The following GATA6 variants were observed in gnomAD, a reference collection of about 807,000 sequenced individuals.
GATA6 encodes the protein GATA binding protein 6, also known as transcription factor GATA-6.
GATA6 carries 11 observed loss-of-function variants against 48.1 expected under a neutral mutation model. The observed-to-expected ratio is 0.23, with a 90% confidence interval of 0.14 to 0.38. The LOEUF (loss-of-function observed/expected upper bound fraction) is 0.38, where lower values mean the gene tolerates loss of function less well. GATA6 is among the 10% of genes least tolerant of loss of function. The pLI, the probability that GATA6 is intolerant of heterozygous loss-of-function variation, is 1.00. For missense variants in GATA6, 795 were observed against 850.3 expected (o/e 0.93, Z 0.81); for synonymous variants, 419 against 396.1 (o/e 1.06, Z -0.69).
At position 22,172,057 on chromosome 18, in the gene GATA6, G is replaced by A. The variant is rs1483440852; in HGVS notation, c.913G>A (p.Gly305Ser). The A allele has an allele frequency of 1.1e-5, 14 of 1,276,958 alleles. No individual in the cohort carries two copies. The highest frequency in any genetic ancestry group is 2.5e-4 in the Middle Eastern group (1 of 3,992). The allele number at this position is 1,276,958 out of a possible 1,614,324, so 79.1% of individuals were successfully genotyped here. A position where few individuals can be genotyped will look rare whatever the true frequency, so the allele number is the denominator to read the frequency against. ...GGGSSLAAMG[G>S]REPQYSSLSA... ...CGGCAGTAGCCTGGCGGCCATGGGCGGCCGCGAGCCCCAGTACAGCTCGCT... is the reference window on the plus strand; with the variant it reads ...CGGCAGTAGCCTGGCGGCCATGGGCAGCCGCGAGCCCCAGTACAGCTCGCT... The change falls in exon 2 of 7, where the codon GGC becomes AGC. Residue 305 changes from glycine to serine, a missense_variant. Physicochemically the swap from Gly to Ser is moderately conservative, Grantham distance 56. Coordinates refer to ENST00000269216, the MANE Select transcript of GATA6 (RefSeq NM_005257.6). The surrounding 1 kb of genome is among the most constrained non-coding windows in gnomAD (Gnocchi z 5.2).
intron 2 of GATA6, chr18:22,176,675 A>T (rs1464481589): frequency 1.8e-5 from 7 of 382,260 alleles, no homozygotes; most frequent in Non-Finnish European, 2.9e-5. Context: ...CCCACCGCTC[A>T]TCTCGGACTC....
At position 22,182,841 on chromosome 18, in the gene GATA6, T is replaced by C. The variant is rs746906542; in HGVS notation, c.1513T>C (p.Ser505Pro). 48 of 1,612,058 alleles carry C rather than the reference T, an allele frequency of 3.0e-5. No individual in the cohort carries two copies. The highest frequency in any genetic ancestry group is 3.8e-5 in the Non-Finnish European group (45 of 1,178,220). ...GAACATAAATAAATCAAAGACTTGC[T>C]CTGGTAAATATACTAAAATGACGTT... ...PKNINKSKTC[S>P]GNSNNSIPMT... is the part of the protein sequence containing the mutation. The change falls in exon 5 of 7, where the codon TCT becomes CCT. Residue 505 changes from serine (S) to proline (P), a missense_variant. By Grantham distance (74) the Ser-to-Pro change is moderately conservative. This residue lies in a region of GATA6 where 24 missense variants were observed against 43.6 expected (regional missense o/e 0.55). Transcript: ENST00000269216.
chr18:22,174,484 T>C (rs2033096512), intron 2 of GATA6, among the ~76,000 whole-genome samples: 2 of 152,152 alleles, frequency 1.3e-5, no homozygotes, highest in African/African-American at 4.8e-5. Flanking sequence ...CACACCACAG[T>C]TAGAGGAATT....
intron 6 of GATA6, among the ~76,000 whole-genome samples, chr18:22,194,336 G>A (rs1440070568): frequency 1.3e-5 from 2 of 152,198 alleles, no homozygotes; most frequent in Admixed American, 6.5e-5. Context: ...CTGTGGGAGG[G>A]TGGAGGGCAG....
At chr18:22,195,549 A>T (rs1302639358) in intron 6 of GATA6, among the ~76,000 whole-genome samples, 1 of 152,210 alleles carries the variant, frequency 6.6e-6, no homozygotes, top group African/African-American at 2.4e-5. Flanking sequence ...TAGATTTACT[A>T]TGCAATTCAA....
intron 2 of GATA6, among the ~76,000 whole-genome samples, chr18:22,176,285 AAAT>A: frequency 6.6e-6 from 1 of 152,292 alleles, no homozygotes; most frequent in East Asian, 1.9e-4. Context: ...TGTGGCATGA[AAAT>A]AAAACTCTGT....
rs387906815 is a variant in GATA6, at chr18:22,171,677, C to T, written c.533C>T (p.Ala178Val). The change falls in exon 2 of 7, where the codon GCA (alanine) becomes GTA (valine). Residue 178 changes from alanine to valine, a missense_variant. By Grantham distance (64) the Ala-to-Val change is moderately conservative. Transcript: ENST00000269216. This position sits in a 1 kb window ranked among gnomAD's most constrained non-coding sequence, Gnocchi z 7.1. ...GTGCACTCTGCGGCCGCGGCGGCAG[C>T]AGCCGCGGCGGCGGCCAGCTCCCCG... ...GFVHSAAAAA[A>V]AAAAASSPVY... 1.4e-4 allele frequency: 210 copies of T among 1,499,588 alleles called. 2 individuals are homozygous for T. In the African/African-American group the frequency reaches 2.8e-3, roughly 20 times the overall value. The allele number at this position is 1,499,588 out of a possible 1,614,324, so 92.9% of individuals were successfully genotyped here. A position where few individuals can be genotyped will look rare whatever the true frequency, so the allele number is the denominator to read the frequency against.
rs1046194322 is a variant in GATA6, at chr18:22,172,744, C to G, written c.1135+465C>G. Among the ~76,000 whole-genome samples the G allele has an allele frequency of 5.3e-5, 8 of 152,182 alleles. No homozygotes were observed. Among genetic ancestry groups the G allele is most frequent in the African/African-American group, 1.9e-4 (8 of 41,450 alleles). Reference sequence around the variant, plus strand: ...CCCCAAACAGACACACAAGCACATGCAGGCTCACCCAGTTTAACTCTCCAA... The same window carrying G: ...CCCCAAACAGACACACAAGCACATGGAGGCTCACCCAGTTTAACTCTCCAA... On this transcript the variant is annotated intron_variant, in intron 2 of 6. Transcript: ENST00000269216. The surrounding 1 kb of genome is among the most constrained non-coding windows in gnomAD (Gnocchi z 5.2).
chr18:22,193,852 C>T (rs1410497889), intron 6 of GATA6, among the ~76,000 whole-genome samples: 1 of 152,164 alleles, frequency 6.6e-6, no homozygotes, highest in Non-Finnish European at 1.5e-5. Flanking sequence ...CCGAAGAACC[C>T]ATGTTTTTCT....
Position 22,185,978 on chromosome 18 carries a change from G to A in GATA6, c.1620+2935G>A, listed in dbSNP as rs1215477715. Among the ~76,000 whole-genome samples the A allele has an allele frequency of 1.3e-5, 2 of 152,202 alleles. No individual in the cohort carries two copies. The highest frequency in any genetic ancestry group is 1.5e-5 in the Non-Finnish European group (1 of 68,032). ...GTGTCATTTTCCCATTTTGGTCACA[G>A]TGCATAATGTTAGAGGGCAGCTGGC... On this transcript the variant is annotated intron_variant, in intron 6 of 6. Transcript: ENST00000269216. This position sits in a 1 kb window ranked among gnomAD's most constrained non-coding sequence, Gnocchi z 4.3.
intron 2 of GATA6, chr18:22,176,713 C>A: frequency 2.1e-6 from 1 of 475,148 alleles, no homozygotes; most frequent in South Asian, 2.5e-5. Context: ...AGCACTGTCT[C>A]TTTCCCGGAG....
chr18:22,184,231 A>G (rs1026398846), intron 6 of GATA6, among the ~76,000 whole-genome samples: 1 of 152,186 alleles, frequency 6.6e-6, no homozygotes, highest in Admixed American at 6.5e-5. Flanking sequence ...GCTTAAAATT[A>G]TATTTGATAT....
Position 22,170,876 on chromosome 18 carries a change from G to C in GATA6, c.-37-232G>C. Reference sequence around the variant, plus strand: ...GAGCGGTGCCTTTGAGGGAGGGCTGGTATCCCAGCCCTTCCAGGGCCCTGT... The same window carrying C: ...GAGCGGTGCCTTTGAGGGAGGGCTGCTATCCCAGCCCTTCCAGGGCCCTGT... On this transcript the variant is annotated intron_variant, in intron 1 of 6. Transcript: ENST00000269216. This position sits in a 1 kb window ranked among gnomAD's most constrained non-coding sequence, Gnocchi z 6.7. 2 of 542,358 alleles carry C rather than the reference G, an allele frequency of 3.7e-6. No homozygotes were observed. The highest frequency in any genetic ancestry group is 6.6e-6 in the Non-Finnish European group (2 of 304,888). 33.6% of individuals were successfully genotyped at this position (542,358 alleles called of 1,614,324 possible).
rs1363432414 is a variant in GATA6 at position 22,169,664 on chromosome 18, T to A, written c.-56T>A. ...CACCCTCCGCCGCGGCCGTTCTCCA[T>A]GCGCAGCGCCCGCCCGAGGTTCGGC... On this transcript the variant is annotated 5_prime_UTR_variant, in exon 1 of 7. An upstream start codon of the reference 5' UTR is lost. Coordinates refer to ENST00000269216, the MANE Select transcript of GATA6 (RefSeq NM_005257.6). The A allele has an allele frequency of 6.6e-6, 1 of 152,314 alleles. No homozygotes were observed. The highest frequency in any genetic ancestry group is 1.5e-5 in the Non-Finnish European group (1 of 68,108). 9.4% of individuals were successfully genotyped at this position (152,314 alleles called of 1,614,324 possible).
At chr18:22,186,358 CTG>C (rs1040321787) in intron 6 of GATA6, among the ~76,000 whole-genome samples, 3 of 152,222 alleles carry the variant, frequency 2.0e-5, no homozygotes, top group African/African-American at 4.8e-5. Context: ...TCTTTAATGA[CTG>C]TGAGTTATAG....
Position 22,171,300 on chromosome 18 carries a change from G to T in GATA6, c.156G>T (p.Arg52=). The change falls in exon 2 of 7, where the codon CGG becomes CGT. Residue 52 remains arginine (R), a synonymous_variant. Transcript: ENST00000269216. This position sits in a 1 kb window ranked among gnomAD's most constrained non-coding sequence, Gnocchi z 7.1. The part of the protein sequence containing the change: ...SSSSCSRGGE[R]GPGGASNCGT... ...CCTCCTGCTCCCGGGGCGGAGAGCG[G>T]GGCCCCGGCGGCGCCAGCAACTGCG... 6.3e-7 allele frequency: 1 copy of T among 1,591,354 alleles called. No homozygotes were observed. Among genetic ancestry groups the T allele is most frequent in the East Asian group, 2.2e-5 (1 of 44,640 alleles).
intron 2 of GATA6, among the ~76,000 whole-genome samples, chr18:22,174,710 A>G (rs2033099278): frequency 6.6e-6 from 1 of 151,276 alleles, no homozygotes; most frequent in Non-Finnish European, 1.5e-5. Context: ...CTTCCTAGCT[A>G]GATTTCCTGT....
rs1292212975 is a variant in GATA6 at position 22,192,659 on chromosome 18, C to A, written c.1621-7997C>A. ...TCAGTTTTGTTATAAAAATTAAGAT[C>A]ATAATTCACCAGGTTTTAAATCTTG... On this transcript the variant is annotated intron_variant, in intron 6 of 6. Coordinates refer to ENST00000269216, the MANE Select transcript of GATA6 (RefSeq NM_005257.6). Among the ~76,000 whole-genome samples, 4 of 152,270 alleles carry A rather than the reference C, an allele frequency of 2.6e-5. No individual in the cohort carries two copies. The East Asian group carries it at 5.8e-4, about 22-fold the overall frequency.
Position 22,171,050 on chromosome 18 carries a change from T to C in GATA6, c.-37-58T>C, listed in dbSNP as rs2033028066. On this transcript the variant is annotated intron_variant, in intron 1 of 6. Coordinates refer to ENST00000269216, the MANE Select transcript of GATA6 (RefSeq NM_005257.6). This position sits in a 1 kb window ranked among gnomAD's most constrained non-coding sequence, Gnocchi z 7.1. ...AGTGGAGGCGAGGTAGCGTGCAGCCTACGCTCTTGTTAACCCGTCGATCTC... is the reference window on the plus strand; with the variant it reads ...AGTGGAGGCGAGGTAGCGTGCAGCCCACGCTCTTGTTAACCCGTCGATCTC... The C allele has an allele frequency of 9.5e-7, 1 of 1,053,122 alleles. No individual in the cohort carries two copies. The highest frequency in any genetic ancestry group is 1.6e-5 in the African/African-American group (1 of 64,188). 65.2% of individuals were successfully genotyped at this position (1,053,122 alleles called of 1,614,324 possible).
Sources: allele counts gnomAD v4.1 joint callset (sites outside exome capture counted in the v4.1 genomes callset), GRCh38; gene constraint gnomAD v4.1.1; regional missense constraint gnomAD v4.1.1; non-coding constraint Gnocchi (gnomAD v3.1); transcripts MANE v1.5; gene names NCBI Gene and HGNC (gene_info 2026-07-23, HGNC 2026-07-21).